Variants in DIP2A observed in about 807,000 individuals in gnomAD.
DIP2A encodes the protein disco-interacting protein 2 homolog A.
Under a neutral mutation model 177.4 loss-of-function variants are expected in DIP2A, and 85 were observed. The observed-to-expected ratio is 0.48, with a 90% CI of 0.40 to 0.57. The LOEUF is 0.57. Ranked by LOEUF, DIP2A falls within the 20% of genes least tolerant of loss-of-function variation. DIP2A has a pLI of 0.00. For missense variants in DIP2A, 1,791 were observed against 2,100.2 expected (o/e 0.85, Z 2.88); for synonymous variants, 886 against 881.8 (o/e 1.00, Z -0.08).
rs928818124 is a variant in DIP2A at position 46,509,498 on chromosome 21, A to C, written c.904+122A>C. 1.2e-5 allele frequency: 15 copies of C among 1,231,402 alleles called. No homozygotes were observed. The African/African-American group carries it at 2.1e-4, about 18-fold the overall frequency. 76.3% of individuals were successfully genotyped at this position (1,231,402 alleles called of 1,614,324 possible). A position where few individuals can be genotyped will look rare whatever the true frequency, so the allele number is the denominator to read the frequency against. ...CTATATATATTCTGTTTCCAGACTC[A>C]GTGGTCACTGGGTGTAATGGTGAAT... On this transcript the variant is annotated intron_variant, in intron 7 of 37. Coordinates refer to ENST00000417564, the MANE Select transcript of DIP2A (RefSeq NM_015151.4).
chr21:46,495,615 T>C (rs1361420382), intron 3 of DIP2A, among the ~76,000 whole-genome samples: 2 of 152,124 alleles, frequency 1.3e-5, no homozygotes, highest in East Asian at 3.9e-4. Context: ...TTCCTTCTTT[T>C]TCTCTTTTTC....
At chr21:46,461,526 A>G (rs1006791506) in intron 1 of DIP2A, among the ~76,000 whole-genome samples, 2 of 152,006 alleles carry the variant, frequency 1.3e-5, no homozygotes, top group African/African-American at 4.8e-5. Context: ...TTTGTGTTGT[A>G]GTTGTGTTTG....
rs556748131 is a variant in DIP2A, at chr21:46,556,040, C to T, written c.3447C>T (p.Leu1149=). 20 of 1,613,950 alleles carry T rather than the reference C, an allele frequency of 1.2e-5. No homozygotes were observed. The highest frequency in any genetic ancestry group is 6.7e-5 in the East Asian group (3 of 44,874). Residue 1149 remains leucine, a synonymous_variant, in exon 29 of 38, where the codon CTC becomes CTT. Transcript: ENST00000417564. The surrounding 1 kb of genome is among the most constrained non-coding windows in gnomAD (Gnocchi z 4.5). ...SVFRPPSPDV[L]AYLDFSVSTT... is the part of the protein sequence containing the mutation. The stretch of plus-strand genomic sequence containing the variant: ...TCAGGCCCCCCTCCCCCGATGTCCT[C>T]GCATACTTGGACTTCAGCGTGTCAA...
chr21:46,541,015 CAAAAAAAA>C (rs532906368), intron 17 of DIP2A, among the ~76,000 whole-genome samples: 2 of 71,914 alleles, frequency 2.8e-5, no homozygotes, highest in African/African-American at 8.6e-5. Context: ...AACTCTGTGT[CAAAAAAAA>C]AAAAAAAAAA....
intron 5 of DIP2A, among the ~76,000 whole-genome samples, chr21:46,501,653 G>A (rs767006107): frequency 6.6e-5 from 10 of 152,120 alleles, no homozygotes; most frequent in Non-Finnish European, 1.0e-4. Flanking sequence ...GAACTCCTGG[G>A]CTCAAGTGAT....
intron 8 of DIP2A, among the ~76,000 whole-genome samples, chr21:46,512,069 C>CT (rs1009653060): frequency 4.6e-5 from 7 of 152,246 alleles, no homozygotes; most frequent in Admixed American, 4.6e-4. Flanking sequence ...CCTCACACCC[C>CT]TTCCACACGC....
the DIP2A span, among the ~76,000 whole-genome samples, chr21:46,579,668 G>C: frequency 6.6e-6 from 1 of 152,152 alleles, no homozygotes; most frequent in Non-Finnish European, 1.5e-5. Flanking sequence ...GTTCTCATTA[G>C]TTTCAAATAA....
chr21:46,561,992 T>G (rs898448423), intron 34 of DIP2A, 187 bp downstream of exon 34: 1 of 908,430 alleles, frequency 1.1e-6, no homozygotes, highest in Non-Finnish European at 1.3e-6. Flanking sequence ...TACTTAGTTA[T>G]GTTTTTAAAC....
chr21:46,571,916 A>G (rs991490702), downstream of DIP2A, among the ~76,000 whole-genome samples: 2 of 152,170 alleles, frequency 1.3e-5, no homozygotes, highest in East Asian at 3.8e-4. Flanking sequence ...GTTTGCCCTG[A>G]CCAGAACTTC....
At chr21:46,463,705 TG>T (rs879519162) in intron 1 of DIP2A, among the ~76,000 whole-genome samples, 82 of 151,662 alleles carry the variant, frequency 5.4e-4, no homozygotes, top group Non-Finnish European at 9.4e-4. Flanking sequence ...TGTGTGTGTG[TG>T]TGTGTGTGTG....
intron 1 of DIP2A, among the ~76,000 whole-genome samples, chr21:46,473,181 G>T (rs2055544813): frequency 6.6e-6 from 1 of 152,102 alleles, no homozygotes; most frequent in Non-Finnish European, 1.5e-5. Flanking sequence ...GAAAATATGT[G>T]TACACATTCA....
At chr21:46,550,053 CG>C in intron 22 of DIP2A, 168 bp downstream of exon 22, 1 of 1,421,520 alleles carries the variant, frequency 7.0e-7, no homozygotes, top group Admixed American at 2.9e-5. Context: ...TATGTATTTA[CG>C]GGATACAAAG....
chr21:46,578,333 A>G, the DIP2A span, among the ~76,000 whole-genome samples: 9 of 149,330 alleles, frequency 6.0e-5, no homozygotes, highest in African/African-American at 2.3e-4. Context: ...AACAAAAACA[A>G]CGACAACAAA....
intron 9 of DIP2A, 120 bp from the exon 10 acceptor site, chr21:46,532,007 C>T (rs2059375620): frequency 1.1e-6 from 1 of 910,812 alleles, no homozygotes; most frequent in Admixed American, 2.6e-5. Context: ...CTTATGGTTT[C>T]AAGCACAATT....
At chr21:46,474,906 A>G (rs910347672) in intron 1 of DIP2A, among the ~76,000 whole-genome samples, 2 of 152,212 alleles carry the variant, frequency 1.3e-5, no homozygotes, top group South Asian at 2.1e-4. Context: ...GCAGATGTAC[A>G]GTGCATCCTC....
intron 28 of DIP2A, 53 bp from the exon 29 acceptor site, chr21:46,555,929 C>T (rs547404680): frequency 5.2e-6 from 7 of 1,352,120 alleles, no homozygotes; most frequent in East Asian, 2.3e-5. Flanking sequence ...AAGCCCAGAG[C>T]GTTCAGAATA....
At position 46,568,889 on chromosome 21, in the gene DIP2A, A is replaced by G. The variant is rs1324786391; in HGVS notation, c.*1267A>G. 6.6e-6 allele frequency: 1 copy of G among 152,214 alleles called. No individual in the cohort carries two copies. Among genetic ancestry groups the G allele is most frequent in the African/African-American group, 2.4e-5 (1 of 41,456 alleles). 9.4% of individuals were successfully genotyped at this position (152,214 alleles called of 1,614,324 possible). A position where few individuals can be genotyped will look rare whatever the true frequency, so the allele number is the denominator to read the frequency against. ...CCGTATTGAAGGTGGAGATGGTTAC[A>G]TTCTTCACTGCTTTTTGCATTTTGA... On this transcript the variant is annotated 3_prime_UTR_variant, in exon 38 of 38. Coordinates refer to ENST00000417564, the MANE Select transcript of DIP2A (RefSeq NM_015151.4).
chr21:46,479,826 C>A (rs536242955), intron 1 of DIP2A, among the ~76,000 whole-genome samples: 12 of 152,302 alleles, frequency 7.9e-5, no homozygotes, highest in African/African-American at 2.9e-4. Context: ...AGCCACCATG[C>A]TTGGCTGCAT....
In DIP2A at chr21:46,563,963, C is replaced by A; in HGVS notation, c.4164+31C>A. On this transcript the variant is annotated intron_variant, in intron 35 of 37. Coordinates refer to ENST00000417564, the MANE Select transcript of DIP2A (RefSeq NM_015151.4). The surrounding 1 kb of genome is among the most constrained non-coding windows in gnomAD (Gnocchi z 4.3). ...CAGGGGCCCATGGGAGGGGCTTGAG[C>A]TCTCCAGCCTCACCAGCTTCACCTT... is the stretch of plus-strand genomic sequence containing the variant. The A allele has an allele frequency of 6.3e-7, 1 of 1,595,542 alleles. No individual in the cohort carries two copies. The highest frequency in any genetic ancestry group is 1.1e-5 in the South Asian group (1 of 89,150).
Sources: allele counts gnomAD v4.1 joint callset (sites outside exome capture counted in the v4.1 genomes callset), GRCh38; gene constraint gnomAD v4.1.1; non-coding constraint Gnocchi (gnomAD v3.1); transcripts MANE v1.5; gene names NCBI Gene and HGNC (gene_info 2026-07-23, HGNC 2026-07-21).